Variants in IL1RAPL1 observed in about 807,000 individuals in gnomAD.
IL1RAPL1 encodes interleukin 1 receptor accessory protein like 1, also known as interleukin-1 receptor accessory protein-like 1.
Under a neutral mutation model 48.4 loss-of-function variants are expected in IL1RAPL1, and 3 were observed. The ratio of observed to expected loss-of-function variants is 0.06; its 90% confidence interval spans 0.03 to 0.16. The LOEUF is 0.16. Among genes scored for constraint, IL1RAPL1 ranks in the 10% least tolerant of loss-of-function variants. The pLI is 1.00. For missense variants in IL1RAPL1, 349 were observed against 530.6 expected, an observed-to-expected ratio of 0.66 and a Z score of 3.36; for synonymous variants, 185 against 187.7, an observed-to-expected ratio of 0.99 and a Z score of 0.12.
chrX:29,216,961 A>G (rs1930880906), intron 2 of IL1RAPL1, among the ~76,000 whole-genome samples: 1 of 111,846 alleles, frequency 8.9e-6, no homozygotes, highest in Non-Finnish European at 1.9e-5. Flanking sequence ...AGGTCTCACC[A>G]TGTAGTAAAC....
intron 2 of IL1RAPL1, among the ~76,000 whole-genome samples, chrX:28,881,105 T>A (rs1309503725): frequency 9.0e-6 from 1 of 111,494 alleles, no homozygotes; most frequent in Non-Finnish European, 1.9e-5. Context: ...TACTTTCTCA[T>A]CAGAGAAGGG....
chrX:28,784,203 T>TA (rs1312412670), intron 1 of IL1RAPL1, among the ~76,000 whole-genome samples: 3 of 112,003 alleles, frequency 2.7e-5, no homozygotes, highest in African/African-American at 9.7e-5. Flanking sequence ...ATCTATCTCA[T>TA]AACATGCATC....
chrX:28,962,203 T>C (rs941435439), intron 2 of IL1RAPL1, among the ~76,000 whole-genome samples: 19 of 112,027 alleles, frequency 1.7e-4, no homozygotes, highest in African/African-American at 6.2e-4. Flanking sequence ...GATAATCTGG[T>C]TCTCTATTGG....
intron 6 of IL1RAPL1, among the ~76,000 whole-genome samples, chrX:29,816,361 A>G (rs1017243923): frequency 9.0e-6 from 1 of 111,251 alleles, no homozygotes; most frequent in Non-Finnish European, 1.9e-5. Flanking sequence ...CAATCTCCCA[A>G]GATTGAACCA....
intron 6 of IL1RAPL1, among the ~76,000 whole-genome samples, chrX:29,916,710 G>A (rs1446171750): frequency 1.8e-5 from 2 of 111,592 alleles, no homozygotes; most frequent in East Asian, 2.8e-4. Context: ...TACTTTCTAC[G>A]GGCATTAAAT....
At chrX:29,010,086 A>G (rs185050268) in intron 2 of IL1RAPL1, among the ~76,000 whole-genome samples, 166 of 112,173 alleles carry the variant, frequency 1.5e-3, no homozygotes, top group African/African-American at 5.2e-3. Flanking sequence ...AAATGCTACA[A>G]ATTTTTGTAC....
intron 1 of IL1RAPL1, among the ~76,000 whole-genome samples, chrX:28,657,026 C>CA (rs766745553): frequency 0.049 from 1,862 of 38,011 alleles, 29 homozygotes; most frequent in Middle Eastern, 0.091. Flanking sequence ...GACTCTACCT[C>CA]AAAAAAAAAA....
intron 1 of IL1RAPL1, among the ~76,000 whole-genome samples, chrX:28,680,088 A>G (rs1340369413): frequency 2.7e-5 from 3 of 111,823 alleles, no homozygotes; most frequent in African/African-American, 9.7e-5. Context: ...TTTCTAATCA[A>G]TGAACACAGG....
chrX:29,771,938 A>T (rs1303314593), intron 6 of IL1RAPL1, among the ~76,000 whole-genome samples: 1 of 111,337 alleles, frequency 9.0e-6, no homozygotes, highest in African/African-American at 3.3e-5. Context: ...AAGAGAGAGT[A>T]TGTGCAGGGG....
intron 5 of IL1RAPL1, among the ~76,000 whole-genome samples, chrX:29,493,796 C>T (rs1935184047): frequency 9.0e-6 from 1 of 111,343 alleles, no homozygotes; most frequent in Non-Finnish European, 1.9e-5. Flanking sequence ...GCATAGTACC[C>T]ACTAGGTAGT....
chrX:28,626,367 G>A (rs1934340754), intron 1 of IL1RAPL1, among the ~76,000 whole-genome samples: 1 of 111,990 alleles, frequency 8.9e-6, no homozygotes, highest in Non-Finnish European at 1.9e-5. Context: ...ATATGTTAAT[G>A]TGTTGTCAAA....
At chrX:29,554,659 T>C (rs143055499) in intron 5 of IL1RAPL1, among the ~76,000 whole-genome samples, 1 of 111,537 alleles carries the variant, frequency 9.0e-6, no homozygotes, top group Non-Finnish European at 1.9e-5. Context: ...AGTTCCACAG[T>C]AGGAGCTATG....
intron 5 of IL1RAPL1, among the ~76,000 whole-genome samples, chrX:29,586,029 G>A (rs931173028): frequency 2.7e-5 from 3 of 111,200 alleles, no homozygotes; most frequent in Non-Finnish European, 3.8e-5. Context: ...TGTTGTTGTC[G>A]TGTAGGAGCT....
chrX:29,786,106 GAATGGAA>G (rs1269935042), intron 6 of IL1RAPL1, among the ~76,000 whole-genome samples: 7 of 110,108 alleles, frequency 6.4e-5, no homozygotes, highest in African/African-American at 2.3e-4. Flanking sequence ...AAACAGGAAT[GAATGGAA>G]AAGCATTCAT....
At chrX:29,829,761 T>C (rs5971832) in intron 6 of IL1RAPL1, among the ~76,000 whole-genome samples, 5,552 of 112,027 alleles carry the variant, frequency 0.05, 325 homozygotes, top group African/African-American at 0.17. Flanking sequence ...ATATTAATAT[T>C]TTGATCTAAT....
At chrX:28,945,879 ATATGTATG>A (rs1924285769) in intron 2 of IL1RAPL1, among the ~76,000 whole-genome samples, 2 of 83,569 alleles carry the variant, frequency 2.4e-5, no homozygotes, top group African/African-American at 8.2e-5. Flanking sequence ...TTACTGTTAT[ATATGTATG>A]TATATATATA....
chrX:29,063,150 G>T (rs980596951), intron 2 of IL1RAPL1, among the ~76,000 whole-genome samples: 2 of 111,154 alleles, frequency 1.8e-5, no homozygotes, highest in Non-Finnish European at 3.8e-5. Flanking sequence ...GATGGATGTG[G>T]AGTTTTCTCC....
chrX:29,306,343 A>G, intron 3 of IL1RAPL1, among the ~76,000 whole-genome samples: 1 of 109,076 alleles, frequency 9.2e-6, no homozygotes, highest in Non-Finnish European at 1.9e-5. Flanking sequence ...ATCCTGGCCA[A>G]CATGGTGAAA....
chrX:29,807,571 C>A (rs918636884), intron 6 of IL1RAPL1, among the ~76,000 whole-genome samples: 3 of 95,600 alleles, frequency 3.1e-5, no homozygotes, highest in Non-Finnish European at 4.1e-5. Context: ...GCCAAGATTG[C>A]GCCACTGCAC....
Sources: gnomAD v4.1 joint callset for allele counts (sites outside exome capture counted in the v4.1 genomes callset) on GRCh38, gnomAD v4.1.1 for gene constraint, MANE v1.5 for transcripts, NCBI Gene and HGNC (gene_info 2026-07-23, HGNC 2026-07-21) for gene names.